Variants in SAMD4A observed in about 807,000 individuals in gnomAD.
The protein encoded by SAMD4A is sterile alpha motif domain containing 4A, also known as protein Smaug homolog 1.
A neutral mutation model predicts 81.3 loss-of-function variants in SAMD4A; 33 were observed. That is an observed-to-expected ratio of 0.41 (90% CI 0.31 to 0.54). The LOEUF is 0.54. SAMD4A is among the 20% of genes least tolerant of loss of function. The probability of loss-of-function intolerance (pLI) is 0.37; values close to 1 mark genes in which losing one functional copy is unlikely to be tolerated. For missense variants in SAMD4A, 854 were observed against 951.1 expected, an observed-to-expected ratio of 0.90 and a Z score of 1.34; for synonymous variants, 389 against 382.1, an observed-to-expected ratio of 1.02 and a Z score of -0.21.
chr14:54,784,261 G>T, intron 11 of SAMD4A: 1 of 1,149,400 alleles, frequency 8.7e-7, no homozygotes, highest in Non-Finnish European at 1.3e-6. Flanking sequence ...ACTTTGATGG[G>T]AGGCCGCTGG....
chr14:54,666,914 A>G (rs1306004682), intron 2 of SAMD4A, among the ~76,000 whole-genome samples: 1 of 152,168 alleles, frequency 6.6e-6, no homozygotes, highest in Non-Finnish European at 1.5e-5. Flanking sequence ...ATGGACTCTT[A>G]GTTTTAAGAA....
At chr14:54,649,755 T>C (rs1424786697) in intron 2 of SAMD4A, among the ~76,000 whole-genome samples, 1 of 152,256 alleles carries the variant, frequency 6.6e-6, no homozygotes, top group Middle Eastern at 3.2e-3. Context: ...GAGAATTGTA[T>C]GCTGTAAAAA....
intron 4 of SAMD4A, among the ~76,000 whole-genome samples, chr14:54,738,948 C>T (rs903532073): frequency 6.6e-6 from 1 of 152,016 alleles, no homozygotes; most frequent in East Asian, 1.9e-4. Context: ...TATAGAAGGG[C>T]CATTCACCAG....
At chr14:54,769,820 G>C in intron 8 of SAMD4A, among the ~76,000 whole-genome samples, 1 of 152,218 alleles carries the variant, frequency 6.6e-6, no homozygotes, top group Admixed American at 6.5e-5. Context: ...GTGGAGTCAG[G>C]AGGGAGGGGG....
chr14:54,730,426 C>T (rs1251070205), intron 3 of SAMD4A, among the ~76,000 whole-genome samples: 2 of 152,224 alleles, frequency 1.3e-5, no homozygotes, highest in Non-Finnish European at 2.9e-5. Context: ...GTGGCTTCCT[C>T]CTTGGGCTTG....
chr14:54,651,382 C>T (rs2035399739), intron 2 of SAMD4A, among the ~76,000 whole-genome samples: 1 of 152,164 alleles, frequency 6.6e-6, no homozygotes, highest in Non-Finnish European at 1.5e-5. Flanking sequence ...CACTTAATTG[C>T]ACTTAGGGAG....
At chr14:54,585,318 CA>C (rs1253877835) in intron 2 of SAMD4A, among the ~76,000 whole-genome samples, 1 of 152,190 alleles carries the variant, frequency 6.6e-6, no homozygotes. Flanking sequence ...CTGTGGTAAA[CA>C]TCCTTTAAAG....
At chr14:54,644,300 G>A (rs2035238506) in intron 2 of SAMD4A, among the ~76,000 whole-genome samples, 1 of 152,096 alleles carries the variant, frequency 6.6e-6, no homozygotes, top group South Asian at 2.1e-4. Context: ...AAATTTGGGG[G>A]TTAAATACCA....
At chr14:54,728,326 C>G (rs60209199) in intron 3 of SAMD4A, among the ~76,000 whole-genome samples, 2,311 of 152,214 alleles carry the variant, frequency 0.015, 53 homozygotes, top group African/African-American at 0.05. Flanking sequence ...GTTCCAACAC[C>G]CACAGGGTAA....
At chr14:54,604,404 A>T (rs898120183) in intron 2 of SAMD4A, among the ~76,000 whole-genome samples, 6 of 152,218 alleles carry the variant, frequency 3.9e-5, no homozygotes, top group Admixed American at 6.5e-5. Context: ...CTCTTGAATC[A>T]AGAAAGAAAG....
intron 2 of SAMD4A, among the ~76,000 whole-genome samples, chr14:54,667,905 T>C (rs1289303350): frequency 3.9e-5 from 6 of 152,206 alleles, no homozygotes. Flanking sequence ...AGCTGTTCAG[T>C]GGTGGGCCTG....
chr14:54,579,502 A>G (rs563586659), intron 2 of SAMD4A, among the ~76,000 whole-genome samples: 1 of 152,364 alleles, frequency 6.6e-6, no homozygotes, highest in East Asian at 1.9e-4. Flanking sequence ...AACAAAAAAC[A>G]TGTATTTTTA....
At chr14:54,721,519 T>G (rs1462254558) in intron 3 of SAMD4A, among the ~76,000 whole-genome samples, 1 of 152,192 alleles carries the variant, frequency 6.6e-6, no homozygotes, top group Non-Finnish European at 1.5e-5. Context: ...CTCTTCAAGC[T>G]CTTACTTTTC....
At chr14:54,693,426 G>T (rs957095107) in intron 2 of SAMD4A, 5 of 152,242 alleles carry the variant, frequency 3.3e-5, no homozygotes, top group African/African-American at 1.2e-4. Flanking sequence ...GCTGGGCGCA[G>T]TGCCTCATGC....
chr14:54,784,797 G>A (rs1026256208), intron 12 of SAMD4A, among the ~76,000 whole-genome samples, 177 bp downstream of exon 12: 14 of 152,244 alleles, frequency 9.2e-5, no homozygotes, highest in Admixed American at 3.9e-4. Context: ...ATTTTCCAGC[G>A]GCACCATGCC....
chr14:54,683,779 C>T (rs2036185497), intron 2 of SAMD4A, among the ~76,000 whole-genome samples: 1 of 152,142 alleles, frequency 6.6e-6, no homozygotes, highest in Non-Finnish European at 1.5e-5. Flanking sequence ...TTGCTCTACA[C>T]AGAAGAACAG....
chr14:54,772,421 A>G (rs2038729870), intron 9 of SAMD4A, among the ~76,000 whole-genome samples: 1 of 152,174 alleles, frequency 6.6e-6, no homozygotes. Context: ...GCTTTGTAAT[A>G]ACCCTCGAAG....
rs1425285321 is a variant in SAMD4A, at chr14:54,751,554, G to A, written c.1176+17G>A. ...TTGGAAAGGGTAAGTTATCGGATGA[G>A]GGAACATTTCCACTTTCATTATGGG... On this transcript the variant is annotated intron_variant, in intron 6 of 12. Transcript: ENST00000554335. The A allele has an allele frequency of 2.0e-6, 3 of 1,501,168 alleles. No individual in the cohort carries two copies. The Admixed American group carries it at 5.2e-5, about 26-fold the overall frequency. 93.0% of individuals were successfully genotyped at this position (1,501,168 alleles called of 1,614,324 possible).
rs142493805 is a variant in SAMD4A at position 54,672,390 on chromosome 14, T to C, written c.197-29672T>C. ...AACCGTGGGAGACTATTTTCAGTCA[T>C]CTGCAGACGTCTCACTTTGTCATGA... On this transcript the variant is annotated intron_variant, in intron 2 of 12. Coordinates refer to ENST00000554335, the MANE Select transcript of SAMD4A (RefSeq NM_015589.6). 1.8e-4 allele frequency among the ~76,000 whole-genome samples: 27 copies of C among 152,284 alleles called. No homozygotes were observed. The East Asian group carries it at 4.3e-3, about 24-fold the overall frequency.
Sources: gnomAD v4.1 joint callset for allele counts (sites outside exome capture counted in the v4.1 genomes callset) on GRCh38, gnomAD v4.1.1 for gene constraint, MANE v1.5 for transcripts, NCBI Gene and HGNC (gene_info 2026-07-23, HGNC 2026-07-21) for gene names.